Variants in DIDO1 observed in about 807,000 individuals in gnomAD.
DIDO1 encodes death inducer-obliterator 1.
DIDO1 carries 16 observed loss-of-function variants against 99.4 expected under a neutral mutation model. The ratio of observed to expected loss-of-function variants is 0.16; its 90% CI spans 0.11 to 0.24. The LOEUF (loss-of-function observed/expected upper bound fraction) is 0.24. Ranked by LOEUF, DIDO1 falls within the 10% of genes least tolerant of loss-of-function variation. The pLI is 1.00. For synonymous variants in DIDO1, 1,366 were observed against 1,239.1 expected (o/e 1.10, Z -2.15); for missense variants, 2,996 against 3,014.0 (o/e 0.99, Z 0.14).
At chr20:62,890,581 C>T (rs768953935) in intron 15 of DIDO1, 26 of 1,037,706 alleles carry the variant, frequency 2.5e-5, no homozygotes, top group Middle Eastern at 4.6e-4. Context: ...AGCCACTTCC[C>T]GGTGTGTGCT....
Position 62,881,872 on chromosome 20 carries a change from G to C in DIDO1, c.4084C>G (p.Pro1362Ala). ...AACTGACCGAACTGCTGGACGATCG[G>C]ATCTAACAACGGAGGTGCCGGCACC... ...DGVPAPPLLD[P>A]IVQQFGQFSK... Residue 1362 changes from proline to alanine, a missense_variant, in exon 16 of 16, where the codon CCG becomes GCG. By Grantham distance (27) the Pro-to-Ala change is conservative. Transcript: ENST00000395343. The surrounding 1 kb of genome is among the most constrained non-coding windows in gnomAD (Gnocchi z 8.3). The C allele has an allele frequency of 1.2e-6, 2 of 1,613,530 alleles. No individual in the cohort carries two copies. Among genetic ancestry groups the C allele is most frequent in the Non-Finnish European group, 8.5e-7 (1 of 1,180,032 alleles).
intron 1 of DIDO1, among the ~76,000 whole-genome samples, chr20:62,934,162 G>A (rs749814): frequency 0.23 from 34,872 of 151,870 alleles, 4,246 homozygotes; most frequent in East Asian, 0.34. Flanking sequence ...CCTGTCCCGG[G>A]ACCCACCTAC....
Position 62,880,925 on chromosome 20 carries a change from G to T in DIDO1, c.5031C>A (p.Asp1677Glu). 1.2e-6 allele frequency: 2 copies of T among 1,609,820 alleles called. No homozygotes were observed. The highest frequency in any genetic ancestry group is 8.5e-7 in the Non-Finnish European group (1 of 1,179,860). Residue 1677 changes from aspartate to glutamate, a missense_variant, in exon 16 of 16, where the codon GAC (aspartate) becomes GAA (glutamate). Transcript: ENST00000395343. ...GGCAGGTGAAAGGGTCCCTCTCACC[G>T]TCGTGCTGCAGCGGGAAGCCGGGCT... ...ALQPGFPLQH[D>E]GERDPFTCPG...
rs758116849 is a variant in DIDO1 at position 62,879,824 on chromosome 20, G to A, written c.6132C>T (p.Ala2044=). Residue 2044 remains alanine, a synonymous_variant, in exon 16 of 16, where the codon GCC becomes GCT. Transcript: ENST00000395343. The surrounding 1 kb of genome is among the most constrained non-coding windows in gnomAD (Gnocchi z 6.3). ...TGGAGGAGAGCGCGGAGGGCGGCCCGGCCTCCTCCCAGCGGTCCTTCCGGT... is the reference window on the plus strand; with the variant it reads ...TGGAGGAGAGCGCGGAGGGCGGCCCAGCCTCCTCCCAGCGGTCCTTCCGGT... ...PQHRKDRWEE[A]GPPSALSSSA... is the part of the protein sequence containing the mutation. The A allele has an allele frequency of 5.6e-6, 9 of 1,609,004 alleles. No individual in the cohort carries two copies. In the South Asian group the frequency reaches 7.7e-5, roughly 14 times the overall value.
At chr20:62,889,404 G>A (rs2064354163) in intron 15 of DIDO1, 1 of 985,456 alleles carries the variant, frequency 1.0e-6, no homozygotes, top group Non-Finnish European at 1.2e-6. Context: ...GTTTGGAGAT[G>A]AGCAGGGAGA....
intron 1 of DIDO1, among the ~76,000 whole-genome samples, chr20:62,922,256 A>ATC (rs2065169469): frequency 1.0e-5 from 1 of 96,232 alleles, no homozygotes; most frequent in African/African-American, 4.1e-5. Context: ...ACACACACAC[A>ATC]TATATATACA....
chr20:62,905,193 G>T (rs1340493221), intron 6 of DIDO1: 1 of 1,107,474 alleles, frequency 9.0e-7, no homozygotes. Context: ...GTCACATGTA[G>T]AATACCAAGT....
At chr20:62,888,385 C>A in intron 15 of DIDO1, 1 of 985,518 alleles carries the variant, frequency 1.0e-6, no homozygotes, top group Non-Finnish European at 1.2e-6. Context: ...CAGCTCAAGG[C>A]TGGGGCGCCA....
chr20:62,897,705 A>G (rs1397229779), intron 6 of DIDO1, among the ~76,000 whole-genome samples: 1 of 152,116 alleles, frequency 6.6e-6, no homozygotes, highest in Non-Finnish European at 1.5e-5. Context: ...AAGACATCAA[A>G]CCCCCTCAAC....
At chr20:62,932,989 G>A (rs2065346282) in intron 1 of DIDO1, among the ~76,000 whole-genome samples, 1 of 152,184 alleles carries the variant, frequency 6.6e-6, no homozygotes, top group African/African-American at 2.4e-5. Context: ...CAGGCAGGTG[G>A]ATCACCTGAG....
At position 62,894,342 on chromosome 20, in the gene DIDO1, A is replaced by G. The variant is rs118156342; in HGVS notation, c.2572+71T>C. ...AAGCTTACGTGCGGTTGCTTTTAGG[A>G]GGTTCAGTGATTTTTAACAAAATCA... is the stretch of plus-strand genomic sequence containing the variant. On this transcript the variant is annotated intron_variant, in intron 11 of 15. Coordinates refer to ENST00000395343, the MANE Select transcript of DIDO1 (RefSeq NM_001193369.2). The surrounding 1 kb of genome is among the most constrained non-coding windows in gnomAD (Gnocchi z 4.4). The G allele has an allele frequency of 0.01, 16,156 of 1,591,154 alleles. 141 individuals carry two copies. The highest frequency in any genetic ancestry group is 0.03 in the South Asian group (2,721 of 90,500).
upstream of DIDO1, among the ~76,000 whole-genome samples, chr20:62,931,398 A>G (rs1325828015): frequency 1.3e-5 from 2 of 152,186 alleles, no homozygotes; most frequent in East Asian, 1.9e-4. Context: ...GAATAAATCA[A>G]TATTTTAGTT....
In DIDO1 at chr20:62,891,913, G is replaced by A. The variant is rs2064407193; in HGVS notation, c.3345+74C>T. The A allele has an allele frequency of 4.0e-6, 5 of 1,246,134 alleles. No homozygotes were observed. In the South Asian group the frequency reaches 4.2e-5, roughly 11 times the overall value. The allele number at this position is 1,246,134 out of a possible 1,614,324, so 77.2% of individuals were successfully genotyped here. On this transcript the variant is annotated intron_variant, in intron 14 of 15. Coordinates refer to ENST00000395343, the MANE Select transcript of DIDO1 (RefSeq NM_001193369.2). ...ATTTTAAGTGTTAACCCATCCAAAC[G>A]AGAGGTTAAAAAAAGATGTGTTTAA... is the stretch of plus-strand genomic sequence containing the variant.
At chr20:62,895,921 T>C (rs891053485) in intron 8 of DIDO1, among the ~76,000 whole-genome samples, 3 of 152,190 alleles carry the variant, frequency 2.0e-5, no homozygotes, top group South Asian at 2.1e-4. Context: ...CTGGACTTTA[T>C]TTTGGAGCCC....
In DIDO1 at chr20:62,911,832, C is replaced by G. The variant is rs2064950041; in HGVS notation, c.-2-218G>C. 6.6e-6 allele frequency among the ~76,000 whole-genome samples: 1 copy of G among 152,156 alleles called. No individual in the cohort carries two copies. The highest frequency in any genetic ancestry group is 3.2e-3 in the Middle Eastern group (1 of 316). On this transcript the variant is annotated intron_variant, in intron 2 of 15. Coordinates refer to ENST00000395343, the MANE Select transcript of DIDO1 (RefSeq NM_001193369.2). The surrounding 1 kb of genome is among the most constrained non-coding windows in gnomAD (Gnocchi z 7.0). ...TATAGTTAAACAACTAACGTTTAGA[C>G]AAAAATACAGCTAACAAATCAAATG...
chr20:62,920,104 C>G (rs1002387641), intron 1 of DIDO1, among the ~76,000 whole-genome samples: 1 of 152,178 alleles, frequency 6.6e-6, no homozygotes, highest in Admixed American at 6.5e-5. Flanking sequence ...ACCACTTGGG[C>G]CCTGGTGAGG....
At chr20:62,912,847 C>T (rs1409475348) in intron 2 of DIDO1, among the ~76,000 whole-genome samples, 2 of 152,166 alleles carry the variant, frequency 1.3e-5, no homozygotes, top group Non-Finnish European at 2.9e-5. Context: ...GCCTGGCCAA[C>T]ATGGTGAAAC....
At position 62,905,877 on chromosome 20, in the gene DIDO1, T is replaced by C; in HGVS notation, c.1588+10A>G. On this transcript the variant is annotated intron_variant, in intron 6 of 15. Transcript: ENST00000395343. Reference sequence around the variant, plus strand: ...GGGGTCCAGGAGGCCAACCCCTAGGTGATACATACATTTATACAACAGTGA... The same window carrying C: ...GGGGTCCAGGAGGCCAACCCCTAGGCGATACATACATTTATACAACAGTGA... 6.2e-7 allele frequency: 1 copy of C among 1,614,050 alleles called. No homozygotes were observed. Among genetic ancestry groups the C allele is most frequent in the Non-Finnish European group, 8.5e-7 (1 of 1,180,004 alleles).
Position 62,911,219 on chromosome 20 carries a change from C to T in DIDO1, c.394G>A (p.Val132Met), listed in dbSNP as rs150017969. ...RSGPQSASTA[V>M]KERPASSEKV... ...TCAGAAGAGGCTGGTCGTTCCTTCA[C>T]AGCTGTGGAAGCAGACTGGGGGCCG... The change falls in exon 3 of 16, where the codon GTG (valine) becomes ATG (methionine). Residue 132 changes from valine to methionine, a missense_variant. Coordinates refer to ENST00000395343, the MANE Select transcript of DIDO1 (RefSeq NM_001193369.2). This position sits in a 1 kb window ranked among gnomAD's most constrained non-coding sequence, Gnocchi z 7.0. The T allele has an allele frequency of 6.5e-5, 105 of 1,613,702 alleles. No individual in the cohort carries two copies. In the African/African-American group the frequency reaches 1.3e-3, roughly 20 times the overall value.
Sources: allele counts gnomAD v4.1 joint callset (sites outside exome capture counted in the v4.1 genomes callset), GRCh38; gene constraint gnomAD v4.1.1; non-coding constraint Gnocchi (gnomAD v3.1); transcripts MANE v1.5; gene names NCBI Gene and HGNC (gene_info 2026-07-23, HGNC 2026-07-21).